WWOX: variants seen among roughly 807,000 people sequenced by gnomAD.
WWOX encodes WW domain-containing oxidoreductase.
WWOX carries 69 observed loss-of-function variants against 46.2 expected under a neutral mutation model. The ratio of observed to expected loss-of-function variants is 1.49; its 90% CI spans 1.23 to 1.82. WWOX has a LOEUF of 1.82. Ranked by LOEUF, WWOX falls within the 40% of genes most tolerant of loss-of-function variation. The pLI is 0.00. For missense variants in WWOX, 919 were observed against 542.6 expected (o/e 1.69, Z -6.89); for synonymous variants, 359 against 202.6 (o/e 1.77, Z -6.56).
intron 8 of WWOX, among the ~76,000 whole-genome samples, chr16:79,032,239 G>T (rs1391344408): frequency 6.9e-6 from 1 of 144,920 alleles, no homozygotes. Flanking sequence ...TATGTATAGA[G>T]AGTCTATTAT....
chr16:78,605,600 C>A (rs2045737405), intron 8 of WWOX, among the ~76,000 whole-genome samples: 6 of 152,132 alleles, frequency 3.9e-5, no homozygotes, highest in Non-Finnish European at 1.5e-5. Context: ...TCTAGAGCAA[C>A]CTAATTAACA....
intron 8 of WWOX, among the ~76,000 whole-genome samples, chr16:78,740,744 A>T (rs2049201742): frequency 6.6e-6 from 1 of 152,104 alleles, no homozygotes; most frequent in Admixed American, 6.6e-5. Context: ...TGACACACCA[A>T]ATGCAGGTCC....
chr16:78,479,619 G>A (rs1018520335), intron 8 of WWOX, among the ~76,000 whole-genome samples: 23 of 152,268 alleles, frequency 1.5e-4, no homozygotes, highest in Middle Eastern at 3.4e-3. Flanking sequence ...CACTGCTCTC[G>A]TTGCCTCCAA....
intron 5 of WWOX, among the ~76,000 whole-genome samples, chr16:78,335,474 T>C (rs1048972300): frequency 2.6e-5 from 4 of 152,184 alleles, no homozygotes. Flanking sequence ...TTTTTATGAT[T>C]ATATAATATT....
At chr16:79,205,304 C>T (rs1341240238) in intron 8 of WWOX, 1 of 152,172 alleles carries the variant, frequency 6.6e-6, no homozygotes, top group African/African-American at 2.4e-5. Flanking sequence ...GACACTGTCC[C>T]TAGTGTCACC....
At chr16:78,755,788 C>T (rs545128458) in intron 8 of WWOX, among the ~76,000 whole-genome samples, 2 of 152,276 alleles carry the variant, frequency 1.3e-5, no homozygotes, top group East Asian at 3.9e-4. Flanking sequence ...AAAAACATAC[C>T]TGGTTCCACT....
At chr16:78,269,946 A>AT (rs2079442414) in intron 5 of WWOX, among the ~76,000 whole-genome samples, 1 of 123,248 alleles carries the variant, frequency 8.1e-6, no homozygotes, top group South Asian at 2.7e-4. Context: ...TTCACCAGGT[A>AT]TTTTTTTGTG....
chr16:78,329,915 C>G (rs543924049), intron 5 of WWOX, among the ~76,000 whole-genome samples: 4 of 151,776 alleles, frequency 2.6e-5, no homozygotes, highest in African/African-American at 9.7e-5. Context: ...ACCAGCTAAT[C>G]TTTTAGTTTT....
At chr16:78,323,831 C>A (rs1405561001) in intron 5 of WWOX, among the ~76,000 whole-genome samples, 1 of 152,126 alleles carries the variant, frequency 6.6e-6, no homozygotes, top group Non-Finnish European at 1.5e-5. Context: ...CTTTTTGAGC[C>A]TAAAACTGGA....
intron 8 of WWOX, among the ~76,000 whole-genome samples, chr16:78,591,086 T>A (rs1011907131): frequency 1.3e-5 from 2 of 152,178 alleles, no homozygotes; most frequent in African/African-American, 4.8e-5. Context: ...AGAGGTGACA[T>A]GCCATGATGT....
At chr16:78,489,805 C>T (rs532076534) in intron 8 of WWOX, among the ~76,000 whole-genome samples, 14 of 152,064 alleles carry the variant, frequency 9.2e-5, no homozygotes, top group African/African-American at 2.4e-4. Flanking sequence ...ACCACAGTTC[C>T]GGCTGGAACA....
At chr16:78,354,371 A>G (rs1478841859) in intron 5 of WWOX, among the ~76,000 whole-genome samples, 4 of 134,958 alleles carry the variant, frequency 3.0e-5, no homozygotes, top group Admixed American at 1.6e-4. Flanking sequence ...GACTTTGCAC[A>G]TATTGTCAAA....
intron 8 of WWOX, among the ~76,000 whole-genome samples, chr16:78,839,606 C>G (rs755580363): frequency 1.3e-5 from 2 of 152,110 alleles, no homozygotes; most frequent in African/African-American, 4.8e-5. Context: ...CCTGTCAGCA[C>G]ATATTTATTT....
At chr16:78,676,863 G>A (rs541272004) in intron 8 of WWOX, among the ~76,000 whole-genome samples, 1 of 152,172 alleles carries the variant, frequency 6.6e-6, no homozygotes, top group East Asian at 1.9e-4. Context: ...GTGCAGTATT[G>A]TTCCATTTTT....
chr16:78,386,770 G>A (rs1353907534), intron 5 of WWOX, 90 bp from the exon 6 acceptor site: 6 of 1,167,184 alleles, frequency 5.1e-6, no homozygotes, highest in Admixed American at 1.7e-5. Context: ...GGGGAATTCC[G>A]ACATGTTCCA....
intron 5 of WWOX, among the ~76,000 whole-genome samples, chr16:78,179,984 G>A (rs2035477129): frequency 6.6e-6 from 1 of 152,168 alleles, no homozygotes; most frequent in African/African-American, 2.4e-5. Flanking sequence ...CAGATCGGCT[G>A]GTTAGTTTTT....
At chr16:78,628,292 C>G (rs979012783) in intron 8 of WWOX, among the ~76,000 whole-genome samples, 3 of 152,130 alleles carry the variant, frequency 2.0e-5, no homozygotes, top group Non-Finnish European at 4.4e-5. Flanking sequence ...CCTGAAGTTT[C>G]CCTTTCTTTT....
chr16:78,481,756 TGTGTGTGTGC>T (rs1194244761), intron 8 of WWOX, among the ~76,000 whole-genome samples: 3 of 147,714 alleles, frequency 2.0e-5, no homozygotes, highest in East Asian at 1.9e-4. Context: ...TGTGTGTGTG[TGTGTGTGTGC>T]GCGCGCCTGC....
intron 8 of WWOX, among the ~76,000 whole-genome samples, chr16:78,618,890 C>G (rs1440884290): frequency 6.6e-6 from 1 of 151,416 alleles, no homozygotes; most frequent in Non-Finnish European, 1.5e-5. Flanking sequence ...CAGCATGGAT[C>G]TTCTCCAAGT....
Sources: gnomAD v4.1 joint callset for allele counts (sites outside exome capture counted in the v4.1 genomes callset) on GRCh38, gnomAD v4.1.1 for gene constraint, MANE v1.5 for transcripts, NCBI Gene and HGNC (gene_info 2026-07-23, HGNC 2026-07-21) for gene names.